AKR1C8: variants seen among roughly 807,000 people sequenced by gnomAD.
AKR1C8 encodes the protein aldo-keto reductase family 1 member C8.
the AKR1C8 span, among the ~76,000 whole-genome samples, chr10:5,147,914 C>T: frequency 2.6e-4 from 40 of 152,226 alleles, no homozygotes; most frequent in Non-Finnish European, 5.0e-4. Context: ...CTTATCATTG[C>T]TCAAGTAGAG....
At chr10:5,149,776 C>T in the AKR1C8 span, among the ~76,000 whole-genome samples, 2 of 151,720 alleles carry the variant, frequency 1.3e-5, no homozygotes, top group African/African-American at 4.9e-5. Flanking sequence ...AAAACAAACA[C>T]ATTCTTATTA....
the AKR1C8 span, among the ~76,000 whole-genome samples, chr10:5,121,294 C>T: frequency 6.6e-6 from 1 of 152,110 alleles, no homozygotes; most frequent in African/African-American, 2.4e-5. Flanking sequence ...CAGAGATGGG[C>T]TTCAGATGGA....
the AKR1C8 span, among the ~76,000 whole-genome samples, chr10:5,144,548 C>T: frequency 1.3e-5 from 2 of 150,246 alleles, no homozygotes; most frequent in Non-Finnish European, 3.0e-5. Flanking sequence ...CTTTTATTTC[C>T]TTGAGCAGTG....
At chr10:5,181,096 G>A in the AKR1C8 span, among the ~76,000 whole-genome samples, 6 of 152,168 alleles carry the variant, frequency 3.9e-5, no homozygotes, top group Admixed American at 2.0e-4. Context: ...GCTGGGAGGT[G>A]TAGACCAGAG....
At chr10:5,118,542 G>A in the AKR1C8 span, among the ~76,000 whole-genome samples, 5 of 152,106 alleles carry the variant, frequency 3.3e-5, no homozygotes, top group African/African-American at 7.2e-5. Context: ...CTGGCTTTGG[G>A]AAAAATGGAT....
At chr10:5,167,110 T>TG in the AKR1C8 span, among the ~76,000 whole-genome samples, 7 of 151,566 alleles carry the variant, frequency 4.6e-5, no homozygotes, top group Admixed American at 4.6e-4. Flanking sequence ...GTTAGAATGG[T>TG]GATCATTAAA....
chr10:5,179,305 G>A, the AKR1C8 span, among the ~76,000 whole-genome samples: 1 of 152,100 alleles, frequency 6.6e-6, no homozygotes, highest in African/African-American at 2.4e-5. Flanking sequence ...TTGAATATTG[G>A]CCCCCACTCT....
At chr10:5,133,218 T>G in the AKR1C8 span, among the ~76,000 whole-genome samples, 1 of 151,984 alleles carries the variant, frequency 6.6e-6, no homozygotes, top group African/African-American at 2.4e-5. Flanking sequence ...CACCTCCGTC[T>G]CCCCAAATAG....
the AKR1C8 span, among the ~76,000 whole-genome samples, chr10:5,124,550 C>T: frequency 6.6e-6 from 1 of 151,460 alleles, no homozygotes; most frequent in African/African-American, 2.4e-5. Context: ...CTTTAAAGCC[C>T]CAAGGAAGGA....
At chr10:5,160,331 T>C in the AKR1C8 span, among the ~76,000 whole-genome samples, 2 of 152,062 alleles carry the variant, frequency 1.3e-5, no homozygotes, top group African/African-American at 4.8e-5. Context: ...AGGAGACTCT[T>C]GGGTTTTCTG....
the AKR1C8 span, among the ~76,000 whole-genome samples, chr10:5,129,493 T>C: frequency 1.3e-5 from 2 of 152,000 alleles, no homozygotes; most frequent in African/African-American, 4.8e-5. Flanking sequence ...GCTGGTTCTT[T>C]GATGAGATGA....
At chr10:5,151,792 G>T in the AKR1C8 span, among the ~76,000 whole-genome samples, 1 of 151,964 alleles carries the variant, frequency 6.6e-6, no homozygotes, top group Non-Finnish European at 1.5e-5. Flanking sequence ...CCTGACCTCA[G>T]GTGATCTGCC....
At chr10:5,180,753 A>C in the AKR1C8 span, among the ~76,000 whole-genome samples, 1 of 152,196 alleles carries the variant, frequency 6.6e-6, no homozygotes, top group African/African-American at 2.4e-5. Context: ...CTGTGCTAGC[A>C]ATCAGCTAGA....
chr10:5,145,340 A>G, the AKR1C8 span, among the ~76,000 whole-genome samples: 1 of 152,286 alleles, frequency 6.6e-6, no homozygotes, highest in Non-Finnish European at 1.5e-5. Flanking sequence ...GACAAAATTG[A>G]CAAATGGGAT....
At chr10:5,137,463 G>A in the AKR1C8 span, among the ~76,000 whole-genome samples, 4 of 151,858 alleles carry the variant, frequency 2.6e-5, no homozygotes, top group African/African-American at 4.8e-5. Flanking sequence ...ATCAATAAAC[G>A]TAATCTATCA....
the AKR1C8 span, among the ~76,000 whole-genome samples, chr10:5,120,801 T>C: frequency 6.6e-6 from 1 of 152,152 alleles, no homozygotes; most frequent in African/African-American, 2.4e-5. Context: ...ATAATTAAAA[T>C]TTTTTCCCTA....
chr10:5,171,844 T>C, the AKR1C8 span, among the ~76,000 whole-genome samples: 3 of 152,120 alleles, frequency 2.0e-5, no homozygotes, highest in Non-Finnish European at 4.4e-5. Flanking sequence ...TTCTTCAACC[T>C]TTGAATGGAG....
the AKR1C8 span, among the ~76,000 whole-genome samples, chr10:5,150,767 C>G: frequency 2.6e-5 from 4 of 152,074 alleles, no homozygotes; most frequent in East Asian, 7.7e-4. Flanking sequence ...ACCTCTACTT[C>G]TCATAGAAAG....
At chr10:5,180,428 A>C in the AKR1C8 span, among the ~76,000 whole-genome samples, 2 of 152,238 alleles carry the variant, frequency 1.3e-5, no homozygotes, top group East Asian at 1.9e-4. Context: ...GTTAGGGGTC[A>C]GGGACCCACT....
Sources: allele counts gnomAD v4.1 joint callset (sites outside exome capture counted in the v4.1 genomes callset), GRCh38; gene constraint gnomAD v4.1.1; transcripts MANE v1.5; gene names NCBI Gene and HGNC (gene_info 2026-07-23, HGNC 2026-07-21).